SEPTIN1: variants seen among roughly 807,000 people sequenced by gnomAD.
The protein encoded by SEPTIN1 is septin-1.
Under a neutral mutation model 50.7 loss-of-function variants are expected in SEPTIN1, and 52 were observed. The ratio of observed to expected loss-of-function variants is 1.03; its 90% CI spans 0.82 to 1.29. The LOEUF is 1.29. Among genes scored for constraint, SEPTIN1 ranks in the 50% most tolerant of loss-of-function variants. The pLI, the probability that SEPTIN1 is intolerant of heterozygous loss-of-function variation, is 0.00. For missense variants in SEPTIN1, 455 were observed against 490.7 expected (o/e 0.93, Z 0.69); for synonymous variants, 204 against 189.1 (o/e 1.08, Z -0.65).
chr16:30,379,105 A>G lies in SEPTIN1; in HGVS notation c.854T>C (p.Val285Ala), dbSNP rs766695673. ...GCCCTCGTAGAGCAGATCGTGCGTC[A>G]CCTCTTTCAGGTCCTGCAGGTGTGT... is the stretch of plus-strand genomic sequence containing the variant. ...VQTHLQDLKE[V>A]THDLLYEGYR... Residue 285 changes from valine (V) to alanine (A), a missense_variant, in exon 9 of 11, where the codon GTG (valine) becomes GCG (alanine). Val to Ala is a moderately conservative substitution (Grantham distance 64). Transcript: ENST00000321367. 1.1e-5 allele frequency: 18 copies of G among 1,613,702 alleles called. No homozygotes were observed. The highest frequency in any genetic ancestry group is 2.2e-5 in the South Asian group (2 of 91,070).
At chr16:30,379,385 A>G in intron 8 of SEPTIN1, 50 bp downstream of exon 8, 1 of 1,532,680 alleles carries the variant, frequency 6.5e-7, no homozygotes, top group Non-Finnish European at 9.0e-7. Context: ...CCTGACCCAG[A>G]GGCCCCGGGC....
chr16:30,378,477 A>G lies in SEPTIN1; in HGVS notation c.1076T>C (p.Met359Thr). The G allele has an allele frequency of 6.3e-7, 1 of 1,577,864 alleles. No individual in the cohort carries two copies. The highest frequency in any genetic ancestry group is 8.6e-7 in the Non-Finnish European group (1 of 1,163,648). Reference protein sequence around the residue: ...QEMLEKMQAQMQQSQAQGEQS... With the variant: ...QEMLEKMQAQTQQSQAQGEQS... ...CTCGCCCTGGGCCTGGCTCTGCTGC[A>G]TTTGGGCCTGCATCTTCTCCAGCAT... The change falls in exon 11 of 11, where the codon ATG becomes ACG. Residue 359 changes from methionine (M) to threonine (T), a missense_variant. Met to Thr is a moderately conservative substitution (Grantham distance 81, BLOSUM62 -1). Coordinates refer to ENST00000321367, the MANE Select transcript of SEPTIN1 (RefSeq NM_001365977.2).
rs2049776438 is a variant in SEPTIN1, at chr16:30,378,230, CG to C, written c.*203del. On this transcript the variant is annotated 3_prime_UTR_variant, in exon 11 of 11. Transcript: ENST00000321367. ...ATGCGGTCGGAGATTGTGCAGGCCC[CG>C]GGCCGGGAAGTGGGCGGTGTCTGGG... is the stretch of plus-strand genomic sequence containing the variant. The C allele has an allele frequency of 1.5e-6, 1 of 667,462 alleles. No individual in the cohort carries two copies. The highest frequency in any genetic ancestry group is 1.8e-5 in the African/African-American group (1 of 54,968). The allele number at this position is 667,462 out of a possible 1,614,324, so 41.3% of individuals were successfully genotyped here.
chr16:30,381,467 A>C lies in SEPTIN1; in HGVS notation c.327T>G (p.Leu109=). ...GCTCCTCGATGAATTTCACCACCGG[A>C]AGCCAGCTGGGTGTGGGGAGAGGAT... The part of the protein sequence containing the change: ...GDSVDCSDCW[L]PVVKFIEEQF... Residue 109 remains leucine, a synonymous_variant, in exon 5 of 11, where the codon CTT becomes CTG. Transcript: ENST00000321367. The surrounding 1 kb of genome is among the most constrained non-coding windows in gnomAD (Gnocchi z 4.3). 1 of 1,614,038 alleles carries C rather than the reference A, an allele frequency of 6.2e-7. No homozygotes were observed. The highest frequency in any genetic ancestry group is 8.5e-7 in the Non-Finnish European group (1 of 1,180,006).
Position 30,381,260 on chromosome 16 carries a change from G to A in SEPTIN1, c.456-16C>T, listed in dbSNP as rs766044143. ...GGGCCGGAGCCTGCACCCAGGGATT[G>A]GTCATTGCCCAGCCTCAGGGGGCAG... On this transcript the variant is annotated splice_polypyrimidine_tract_variant and intron_variant, in intron 5 of 10. Coordinates refer to ENST00000321367, the MANE Select transcript of SEPTIN1 (RefSeq NM_001365977.2). This position sits in a 1 kb window ranked among gnomAD's most constrained non-coding sequence, Gnocchi z 4.3. 2.9e-5 allele frequency: 46 copies of A among 1,613,418 alleles called. No homozygotes were observed. In the Admixed American group the frequency reaches 4.8e-4, roughly 17 times the overall value.
chr16:30,382,037 T>C lies in SEPTIN1; in HGVS notation c.196+56A>G, dbSNP rs1056658154. 3.1e-6 allele frequency: 5 copies of C among 1,590,664 alleles called. 1 individual carries two copies. In the South Asian group the frequency reaches 5.6e-5, roughly 18 times the overall value. The stretch of plus-strand genomic sequence containing the variant: ...ACCTGAGTCCCCAGATGGAAAAGAC[T>C]AGGGTGTAACCTGGGGACAGGGGCT... On this transcript the variant is annotated intron_variant, in intron 3 of 10. Transcript: ENST00000321367. This position sits in a 1 kb window ranked among gnomAD's most constrained non-coding sequence, Gnocchi z 4.8.
intron 8 of SEPTIN1, 82 bp from the exon 9 acceptor site, chr16:30,379,265 G>A: frequency 1.3e-6 from 2 of 1,553,886 alleles, no homozygotes; most frequent in Non-Finnish European, 1.8e-6. Context: ...CTACAGGAAA[G>A]TCCTGCTGCC....
rs1567425526 is a variant in SEPTIN1, at chr16:30,381,395, G to A, written c.399C>T (p.Asn133=). The change falls in exon 5 of 11, where the codon AAC becomes AAT. Residue 133 remains asparagine (N), a synonymous_variant. Coordinates refer to ENST00000321367, the MANE Select transcript of SEPTIN1 (RefSeq NM_001365977.2). This position sits in a 1 kb window ranked among gnomAD's most constrained non-coding sequence, Gnocchi z 4.3. ...AGCAGTGGACTCGGGAGTCCTGGAT[G>A]TTCTTCCGGTTCAGGCCACTCTCAT... is the stretch of plus-strand genomic sequence containing the variant. ...LRDESGLNRK[N]IQDSRVHCCL... The A allele has an allele frequency of 6.2e-7, 1 of 1,613,838 alleles. No individual in the cohort carries two copies. The highest frequency in any genetic ancestry group is 1.7e-5 in the Admixed American group (1 of 59,984).
At chr16:30,378,976 C>G in intron 9 of SEPTIN1, 42 bp downstream of exon 9, 3 of 1,586,686 alleles carry the variant, frequency 1.9e-6, no homozygotes, top group Non-Finnish European at 2.6e-6. Flanking sequence ...ATGGGTGAGG[C>G]GGGACCTTGG....
At position 30,378,144 on chromosome 16, in the gene SEPTIN1, G is replaced by A; in HGVS notation, c.*290C>T. On this transcript the variant is annotated 3_prime_UTR_variant, in exon 11 of 11. Coordinates refer to ENST00000321367, the MANE Select transcript of SEPTIN1 (RefSeq NM_001365977.2). Reference sequence around the variant, plus strand: ...AAGGAGAAGGCTCGCGTGGCCGCGGGAAGCTCAGTTTTTATTGAAGACAGA... The same window carrying A: ...AAGGAGAAGGCTCGCGTGGCCGCGGAAAGCTCAGTTTTTATTGAAGACAGA... 1 of 718,896 alleles carries A rather than the reference G, an allele frequency of 1.4e-6. No homozygotes were observed. The highest frequency in any genetic ancestry group is 1.5e-5 in the South Asian group (1 of 66,852). 44.5% of individuals were successfully genotyped at this position (718,896 alleles called of 1,614,324 possible).
Position 30,381,020 on chromosome 16 carries a change from G to A in SEPTIN1, c.573+107C>T. On this transcript the variant is annotated intron_variant, in intron 6 of 10. Coordinates refer to ENST00000321367, the MANE Select transcript of SEPTIN1 (RefSeq NM_001365977.2). This position sits in a 1 kb window ranked among gnomAD's most constrained non-coding sequence, Gnocchi z 4.3. The stretch of plus-strand genomic sequence containing the variant: ...CCTCAGAAGCTTCTCCTACAATCTA[G>A]CCTGATGCACCATGCTCCAGAAAGG... 1 of 911,374 alleles carries A rather than the reference G, an allele frequency of 1.1e-6. No homozygotes were observed. Among genetic ancestry groups the A allele is most frequent in the Non-Finnish European group, 1.8e-6 (1 of 550,280 alleles). 56.5% of individuals were successfully genotyped at this position (911,374 alleles called of 1,614,324 possible). A position where few individuals can be genotyped will look rare whatever the true frequency, so the allele number is the denominator to read the frequency against.
chr16:30,380,739 C>T, intron 6 of SEPTIN1: 1 of 243,338 alleles, frequency 4.1e-6, no homozygotes, highest in East Asian at 1.1e-4. Context: ...CACTGTACTG[C>T]AGCCTGGGCC....
At chr16:30,382,665 G>GAAGGCC, upstream of SEPTIN1, 1 of 1,534,016 alleles carries the variant, frequency 6.5e-7, no homozygotes, top group Non-Finnish European at 8.8e-7. The surrounding 1 kb of genome is among the most constrained non-coding windows in gnomAD (Gnocchi z 4.8). Context: ...GAGAGGTGGG[G>GAAGGCC]AAGGCCAAGG....
rs772170919 is a variant in SEPTIN1 at position 30,381,099 on chromosome 16, G to T, written c.573+28C>A. 6.4e-7 allele frequency: 1 copy of T among 1,565,218 alleles called. No homozygotes were observed. Among genetic ancestry groups the T allele is most frequent in the South Asian group, 1.1e-5 (1 of 90,104 alleles). ...GAAATCAGGTTTGGCTTCACATGGGGTCAAAGGTCAGAGGTCATCACTCAC... is the reference window on the plus strand; with the variant it reads ...GAAATCAGGTTTGGCTTCACATGGGTTCAAAGGTCAGAGGTCATCACTCAC... On this transcript the variant is annotated intron_variant, in intron 6 of 10. Transcript: ENST00000321367. The surrounding 1 kb of genome is among the most constrained non-coding windows in gnomAD (Gnocchi z 4.3).
rs765793245 is a variant in SEPTIN1, at chr16:30,381,346, C to T, written c.448G>A (p.Gly150Ser). The T allele has an allele frequency of 1.5e-5, 24 of 1,613,046 alleles. No homozygotes were observed. The highest frequency in any genetic ancestry group is 1.3e-4 in the Admixed American group (8 of 59,926). ...HCCLYFISPF[G>S]RGLRPLDVAF... ...AGGATCCCCCCACCAGACCCCCGGC[C>T]GAAGGGTGAGATGAAGTAGAGGCAG... Residue 150 changes from glycine to serine, a missense_variant, in exon 5 of 11, where the codon GGC becomes AGC. By Grantham distance (56) the Gly-to-Ser change is moderately conservative. Coordinates refer to ENST00000321367, the MANE Select transcript of SEPTIN1 (RefSeq NM_001365977.2). This position sits in a 1 kb window ranked among gnomAD's most constrained non-coding sequence, Gnocchi z 4.3.
rs1312515203 is a variant in SEPTIN1, at chr16:30,381,978, G to A, written c.197-95C>T. 23 of 1,603,502 alleles carry A rather than the reference G, an allele frequency of 1.4e-5. No homozygotes were observed. Among genetic ancestry groups the A allele is most frequent in the Non-Finnish European group, 3.4e-6 (4 of 1,173,376 alleles). On this transcript the variant is annotated intron_variant, in intron 3 of 10. Transcript: ENST00000321367. The surrounding 1 kb of genome is among the most constrained non-coding windows in gnomAD (Gnocchi z 4.3). Reference sequence around the variant, plus strand: ...CACAGTTGCCTGCACCCATTTCCCAGGGGAGGAAAGTCTCAGAAAAAAAGC... The same window carrying A: ...CACAGTTGCCTGCACCCATTTCCCAAGGGAGGAAAGTCTCAGAAAAAAAGC...
Position 30,382,478 on chromosome 16 carries a change from G to A in SEPTIN1, c.18+47C>T. 2 of 1,583,658 alleles carry A rather than the reference G, an allele frequency of 1.3e-6. No homozygotes were observed. The highest frequency in any genetic ancestry group is 1.7e-6 in the Non-Finnish European group (2 of 1,158,012). On this transcript the variant is annotated intron_variant, in intron 1 of 10. Transcript: ENST00000321367. This position sits in a 1 kb window ranked among gnomAD's most constrained non-coding sequence, Gnocchi z 4.8. ...AGTGGGGTCTGGGGACCCCAGGCAT[G>A]GGGGCTGGGGGCCGAGATGCCCAGG... is the stretch of plus-strand genomic sequence containing the variant.
At position 30,381,665 on chromosome 16, in the gene SEPTIN1, T is replaced by C; in HGVS notation, c.320+95A>G. The C allele has an allele frequency of 6.4e-7, 1 of 1,556,064 alleles. No homozygotes were observed. The highest frequency in any genetic ancestry group is 8.7e-7 in the Non-Finnish European group (1 of 1,149,866). ...TGGCCCTCTGAAACAGACACCACCT[T>C]TTGAGATAGGGAGCCAGCACAAACC... On this transcript the variant is annotated intron_variant, in intron 4 of 10. Coordinates refer to ENST00000321367, the MANE Select transcript of SEPTIN1 (RefSeq NM_001365977.2). The surrounding 1 kb of genome is among the most constrained non-coding windows in gnomAD (Gnocchi z 4.3).
chr16:30,381,599 G>T lies in SEPTIN1; in HGVS notation c.321-126C>A, dbSNP rs960045898. On this transcript the variant is annotated intron_variant, in intron 4 of 10. Transcript: ENST00000321367. This position sits in a 1 kb window ranked among gnomAD's most constrained non-coding sequence, Gnocchi z 4.3. ...CCTCCAAAGACATTAAGGGGAACTGGTGGGGGCCTAGGTGAGTCATCAAGA... is the reference window on the plus strand; with the variant it reads ...CCTCCAAAGACATTAAGGGGAACTGTTGGGGGCCTAGGTGAGTCATCAAGA... 1.2e-5 allele frequency: 18 copies of T among 1,463,728 alleles called. No homozygotes were observed. In the African/African-American group the frequency reaches 2.1e-4, roughly 17 times the overall value. The allele number at this position is 1,463,728 out of a possible 1,614,324, so 90.7% of individuals were successfully genotyped here.
Sources: allele counts gnomAD v4.1 joint callset, GRCh38; gene constraint gnomAD v4.1.1; non-coding constraint Gnocchi (gnomAD v3.1); transcripts MANE v1.5; gene names NCBI Gene and HGNC (gene_info 2026-07-23, HGNC 2026-07-21).